Variants in MZT1 observed in about 807,000 individuals in gnomAD.
The protein encoded by MZT1 is mitotic spindle organizing protein 1, also known as mitotic-spindle organizing protein 1.
In MZT1, 8 loss-of-function variants were observed where a neutral mutation model predicts 8.5. The ratio of observed to expected loss-of-function variants is 0.94; its 90% CI spans 0.55 to 1.70. The LOEUF is 1.70. Ranked by LOEUF, MZT1 falls within the 40% of genes most tolerant of loss-of-function variation. MZT1 has a pLI of 0.00. For missense variants in MZT1, 93 were observed against 108.6 expected (o/e 0.86, Z 0.64); for synonymous variants, 38 against 42.0 (o/e 0.90, Z 0.37).
chr13:72,722,035 T>A (rs1323143363), intron 1 of MZT1, among the ~76,000 whole-genome samples: 1 of 152,258 alleles, frequency 6.6e-6, no homozygotes. Flanking sequence ...ACTAAATGCT[T>A]ATTTATAGTG....
Position 72,709,449 on chromosome 13 carries a change from C to T in MZT1, c.*873G>A, listed in dbSNP as rs1330720206. The T allele has an allele frequency of 1.3e-5, 2 of 152,064 alleles. No individual in the cohort carries two copies. Among genetic ancestry groups the T allele is most frequent in the East Asian group, 3.9e-4 (2 of 5,190 alleles). 9.4% of individuals were successfully genotyped at this position (152,064 alleles called of 1,614,324 possible). On this transcript the variant is annotated 3_prime_UTR_variant, in exon 3 of 3. Coordinates refer to ENST00000377818, the MANE Select transcript of MZT1 (RefSeq NM_001071775.3). ...CCATTCAAGATTTATTAGGTAAGCA[C>T]TAAAATTACTTTTATGTAATAAAAG...
intron 1 of MZT1, among the ~76,000 whole-genome samples, chr13:72,724,264 A>G (rs893148079): frequency 1.8e-4 from 27 of 152,204 alleles, no homozygotes; most frequent in Non-Finnish European, 3.2e-4. Flanking sequence ...GAATCTTTAA[A>G]AAGTCCAGTT....
chr13:72,713,291 G>A (rs2032505160), intron 2 of MZT1, among the ~76,000 whole-genome samples: 1 of 152,156 alleles, frequency 6.6e-6, no homozygotes, highest in Non-Finnish European at 1.5e-5. Context: ...CTTGGGACCA[G>A]AACTGTTTCT....
At chr13:72,719,330 T>C (rs1011121719) in intron 1 of MZT1, among the ~76,000 whole-genome samples, 2 of 152,236 alleles carry the variant, frequency 1.3e-5, no homozygotes, top group Non-Finnish European at 2.9e-5. Flanking sequence ...CATCTTGCTA[T>C]ATATTCTAGC....
Position 72,709,215 on chromosome 13 carries a change from G to C in MZT1, c.*1107C>G, listed in dbSNP as rs1343643027. ...AGGTTTTTTAAAAAAAGCCATACTTGAGATTCCTAATATAGAACATTTGAT... is the reference window on the plus strand; with the variant it reads ...AGGTTTTTTAAAAAAAGCCATACTTCAGATTCCTAATATAGAACATTTGAT... On this transcript the variant is annotated 3_prime_UTR_variant, in exon 3 of 3. Transcript: ENST00000377818. 6.6e-6 allele frequency: 1 copy of C among 151,848 alleles called. No homozygotes were observed. Among genetic ancestry groups the C allele is most frequent in the African/African-American group, 2.4e-5 (1 of 41,410 alleles). 9.4% of individuals were successfully genotyped at this position (151,848 alleles called of 1,614,324 possible). A position where few individuals can be genotyped will look rare whatever the true frequency, so the allele number is the denominator to read the frequency against.
chr13:72,719,122 A>T lies in MZT1; in HGVS notation c.80-25T>A, dbSNP rs377320255. ...ACTGAAAAAAGATACAAAAAAAAAA[A>T]AAACTTAAGGCTTACAGCATTTAAA... On this transcript the variant is annotated intron_variant, in intron 1 of 2. Transcript: ENST00000377818. 5.3e-6 allele frequency: 8 copies of T among 1,521,394 alleles called. No homozygotes were observed. In the African/African-American group the frequency reaches 1.1e-4, roughly 22 times the overall value. The allele number at this position is 1,521,394 out of a possible 1,614,324, so 94.2% of individuals were successfully genotyped here.
Position 72,708,815 on chromosome 13 carries a change from A to C in MZT1, c.*1507T>G, listed in dbSNP as rs979290219. ...AGGCATTTAAAAAGTCAAAATGGTC[A>C]AAATTCTATATTAAAAAAAAAAAAA... On this transcript the variant is annotated 3_prime_UTR_variant, in exon 3 of 3. Transcript: ENST00000377818. 2.1e-5 allele frequency: 2 copies of C among 96,340 alleles called. No homozygotes were observed. Among genetic ancestry groups the C allele is most frequent in the African/African-American group, 6.1e-5 (2 of 32,994 alleles). The allele number at this position is 96,340 out of a possible 1,614,324, so 6.0% of individuals were successfully genotyped here. A position where few individuals can be genotyped will look rare whatever the true frequency, so the allele number is the denominator to read the frequency against.
At chr13:72,714,459 C>A (rs1489837835) in intron 2 of MZT1, among the ~76,000 whole-genome samples, 3 of 151,798 alleles carry the variant, frequency 2.0e-5, no homozygotes, top group African/African-American at 7.2e-5. Context: ...CAACCACTTG[C>A]TAGAGAAATT....
intron 2 of MZT1, among the ~76,000 whole-genome samples, chr13:72,715,869 A>G (rs1436004047): frequency 6.6e-6 from 1 of 151,958 alleles, no homozygotes; most frequent in Admixed American, 6.6e-5. Context: ...CAGAACTATG[A>G]GCCAATTAAA....
intron 1 of MZT1, among the ~76,000 whole-genome samples, chr13:72,723,516 T>A (rs572105218): frequency 6.6e-6 from 1 of 152,232 alleles, no homozygotes; most frequent in East Asian, 1.9e-4. Flanking sequence ...TCATTCAGCA[T>A]CCCTGAGGGA....
At position 72,727,574 on chromosome 13, in the gene MZT1, G is replaced by A. The variant is rs770091272; in HGVS notation, c.29C>T (p.Ala10Val). The A allele has an allele frequency of 3.8e-6, 6 of 1,594,502 alleles. No homozygotes were observed. In the African/African-American group the frequency reaches 4.0e-5, roughly 11 times the overall value. The change falls in exon 1 of 3, where the codon GCG becomes GTG. Residue 10 changes from alanine (A) to valine (V), a missense_variant. By Grantham distance (64) the Ala-to-Val change is moderately conservative (BLOSUM62 0). Coordinates refer to ENST00000377818, the MANE Select transcript of MZT1 (RefSeq NM_001071775.3). MASSSGAGAAAAAAAANLNA... is the reference protein window; with the variant it reads MASSSGAGAVAAAAAANLNA... ...CAGATTCGCCGCCGCGGCCGCCGCC[G>A]CCGCCCCAGCACCGCTGCTACTCGC...
intron 1 of MZT1, among the ~76,000 whole-genome samples, chr13:72,720,664 A>G (rs1015507539): frequency 6.6e-6 from 1 of 152,288 alleles, no homozygotes; most frequent in East Asian, 1.9e-4. Flanking sequence ...CAAGGTGGAC[A>G]GATCACCTGA....
intron 2 of MZT1, among the ~76,000 whole-genome samples, chr13:72,715,985 T>G (rs2138009747): frequency 6.6e-6 from 1 of 152,274 alleles, no homozygotes; most frequent in Non-Finnish European, 1.5e-5. Context: ...GGTGTGAATC[T>G]TGGCTCACTG....
At chr13:72,712,137 C>A (rs559637316) in intron 2 of MZT1, among the ~76,000 whole-genome samples, 23 of 152,142 alleles carry the variant, frequency 1.5e-4, no homozygotes, top group African/African-American at 5.5e-4. Context: ...TTCAAAAAAA[C>A]AAGTTGTAAT....
intron 1 of MZT1, among the ~76,000 whole-genome samples, chr13:72,724,677 T>C (rs1467255907): frequency 1.6e-5 from 2 of 123,042 alleles, no homozygotes; most frequent in African/African-American, 2.8e-5. Flanking sequence ...TAGCTGGGAT[T>C]ACAGGCACCC....
At chr13:72,715,070 C>T (rs2032521783) in intron 2 of MZT1, among the ~76,000 whole-genome samples, 1 of 152,174 alleles carries the variant, frequency 6.6e-6, no homozygotes, top group Non-Finnish European at 1.5e-5. Flanking sequence ...CAATGCCAGC[C>T]CACGAAAGCA....
chr13:72,713,568 G>A (rs2032507794), intron 2 of MZT1, among the ~76,000 whole-genome samples: 1 of 152,096 alleles, frequency 6.6e-6, no homozygotes, highest in Non-Finnish European at 1.5e-5. Flanking sequence ...GTATTGTTTA[G>A]GGAATCATGA....
chr13:72,711,100 G>A (rs2032484735), intron 2 of MZT1, among the ~76,000 whole-genome samples: 1 of 152,144 alleles, frequency 6.6e-6, no homozygotes, highest in Admixed American at 6.5e-5. Flanking sequence ...GAAAGGGCAA[G>A]CCTTAGTCCA....
At chr13:72,717,006 C>CT (rs1453303139) in intron 2 of MZT1, among the ~76,000 whole-genome samples, 1 of 152,164 alleles carries the variant, frequency 6.6e-6, no homozygotes, top group East Asian at 1.9e-4. Flanking sequence ...CCTGTCCAAG[C>CT]TGGCAGTGTT....
Sources: allele counts gnomAD v4.1 joint callset (sites outside exome capture counted in the v4.1 genomes callset), GRCh38; gene constraint gnomAD v4.1.1; transcripts MANE v1.5; gene names NCBI Gene and HGNC (gene_info 2026-07-23, HGNC 2026-07-21).